The following KHDRBS2 variants were observed in gnomAD, a reference collection of about 807,000 sequenced individuals.
KHDRBS2 encodes the protein KH domain-containing, RNA-binding, signal transduction-associated protein 2.
Under a neutral mutation model 44.3 loss-of-function variants are expected in KHDRBS2, and 26 were observed. The ratio of observed to expected loss-of-function variants is 0.59; its 90% CI spans 0.43 to 0.81. The LOEUF (loss-of-function observed/expected upper bound fraction) is 0.81, where lower values mean the gene tolerates loss of function less well. Ranked by LOEUF, KHDRBS2 falls within the 40% of genes least tolerant of loss-of-function variation. KHDRBS2 has a pLI of 0.00. For synonymous variants in KHDRBS2, 194 were observed against 151.1 expected (o/e 1.28, Z -2.08); for missense variants, 476 against 433.1 (o/e 1.10, Z -0.88).
At chr6:62,197,328 T>C (rs1200116864) in intron 1 of KHDRBS2, among the ~76,000 whole-genome samples, 1 of 152,054 alleles carries the variant, frequency 6.6e-6, no homozygotes, top group African/African-American at 2.4e-5. Context: ...GATCAAACAA[T>C]ATTTGTGAAA....
At chr6:62,164,611 C>T (rs1252705165) in intron 2 of KHDRBS2, among the ~76,000 whole-genome samples, 1 of 151,562 alleles carries the variant, frequency 6.6e-6, no homozygotes, top group Admixed American at 6.6e-5. Context: ...GCATGTATAC[C>T]TTTTATACTC....
intron 1 of KHDRBS2, among the ~76,000 whole-genome samples, chr6:62,234,839 A>G (rs1022025102): frequency 1.3e-5 from 2 of 151,958 alleles, no homozygotes; most frequent in Admixed American, 6.6e-5. Flanking sequence ...TAGATTTGAC[A>G]AAGATTAAAA....
At chr6:61,659,665 A>G in the KHDRBS2 span, among the ~76,000 whole-genome samples, 21 of 151,800 alleles carry the variant, frequency 1.4e-4, no homozygotes, top group African/African-American at 4.6e-4. Flanking sequence ...CACAGTCCTT[A>G]TAAAAATATA....
chr6:62,097,033 G>A (rs750222568), intron 2 of KHDRBS2, among the ~76,000 whole-genome samples: 2 of 150,714 alleles, frequency 1.3e-5, no homozygotes, highest in Non-Finnish European at 3.0e-5. Flanking sequence ...CCATGTATTG[G>A]TATAGTTTCC....
chr6:61,983,379 A>G (rs1430191880), intron 3 of KHDRBS2, among the ~76,000 whole-genome samples: 1 of 151,010 alleles, frequency 6.6e-6, no homozygotes, highest in Non-Finnish European at 1.5e-5. Context: ...CATGGCCATA[A>G]CTAAGACTGA....
chr6:61,788,129 G>C (rs563510744), intron 6 of KHDRBS2, among the ~76,000 whole-genome samples: 1 of 151,514 alleles, frequency 6.6e-6, no homozygotes, highest in South Asian at 2.1e-4. Flanking sequence ...ACAAAATAAT[G>C]GTCTCATATG....
intron 8 of KHDRBS2, among the ~76,000 whole-genome samples, chr6:61,683,797 T>C (rs1036849864): frequency 5.9e-5 from 9 of 151,868 alleles, no homozygotes; most frequent in African/African-American, 1.9e-4. Context: ...TGTGAATTAA[T>C]ACTATGCTCT....
intron 7 of KHDRBS2, among the ~76,000 whole-genome samples, chr6:61,699,094 C>A (rs1356267584): frequency 3.9e-5 from 6 of 152,066 alleles, no homozygotes; most frequent in Admixed American, 1.3e-4. Flanking sequence ...TCATTTATTT[C>A]ATTTATTCAT....
At chr6:61,731,566 T>C (rs966533530) in intron 7 of KHDRBS2, among the ~76,000 whole-genome samples, 1 of 152,112 alleles carries the variant, frequency 6.6e-6, no homozygotes, top group Admixed American at 6.6e-5. Context: ...TGTAGATTTA[T>C]TCTAAACTAT....
At chr6:61,781,759 G>A (rs865812890) in intron 6 of KHDRBS2, among the ~76,000 whole-genome samples, 20 of 152,022 alleles carry the variant, frequency 1.3e-4, no homozygotes, top group African/African-American at 3.9e-4. Flanking sequence ...CTTCCCTCCC[G>A]AAAATTTTGG....
chr6:61,790,559 T>A (rs1015470670), intron 6 of KHDRBS2, among the ~76,000 whole-genome samples: 6 of 151,600 alleles, frequency 4.0e-5, no homozygotes, highest in African/African-American at 1.2e-4. Context: ...CTTACTTTTT[T>A]AATCTGTCCT....
chr6:61,544,428 T>G, the KHDRBS2 span, among the ~76,000 whole-genome samples: 1 of 152,084 alleles, frequency 6.6e-6, no homozygotes, highest in Non-Finnish European at 1.5e-5. Context: ...TTTAAAAATT[T>G]TCAAGAGTTT....
the KHDRBS2 span, among the ~76,000 whole-genome samples, chr6:61,609,442 T>A: frequency 6.6e-6 from 1 of 152,244 alleles, no homozygotes; most frequent in African/African-American, 2.4e-5. Context: ...TTACCATTTT[T>A]ATGTAGCTAT....
At chr6:61,845,846 T>C (rs1401674124) in intron 6 of KHDRBS2, among the ~76,000 whole-genome samples, 2 of 152,180 alleles carry the variant, frequency 1.3e-5, no homozygotes, top group East Asian at 1.9e-4. Context: ...CCAGGTGATA[T>C]TGTTTGGAAA....
chr6:62,175,276 T>C (rs1820861437), intron 2 of KHDRBS2, among the ~76,000 whole-genome samples: 1 of 151,566 alleles, frequency 6.6e-6, no homozygotes, highest in Non-Finnish European at 1.5e-5. Flanking sequence ...GGCAGGCTAT[T>C]CATAAGTTAA....
At chr6:62,220,401 A>C (rs983451553) in intron 1 of KHDRBS2, among the ~76,000 whole-genome samples, 2 of 151,936 alleles carry the variant, frequency 1.3e-5, no homozygotes, top group African/African-American at 4.8e-5. Context: ...AAACAGTAAC[A>C]ATATTTTGGT....
chr6:61,776,118 T>G (rs1484135533), intron 6 of KHDRBS2, among the ~76,000 whole-genome samples: 1 of 152,174 alleles, frequency 6.6e-6, no homozygotes, highest in Non-Finnish European at 1.5e-5. Flanking sequence ...ATCCCTTCCT[T>G]ACACCTTATA....
In KHDRBS2 at chr6:61,710,498, T is replaced by G. The variant is rs1770317785; in HGVS notation, c.894-13245A>C. Among the ~76,000 whole-genome samples, 4 of 151,764 alleles carry G rather than the reference T, an allele frequency of 2.6e-5. No individual in the cohort carries two copies. The South Asian group carries it at 8.3e-4, about 31-fold the overall frequency. ...TTCTATGTTTTAATTCTACCCAGCC[T>G]CTTCCCTGTCACTTCTCTCTTAATA... is the stretch of plus-strand genomic sequence containing the variant. On this transcript the variant is annotated intron_variant, in intron 7 of 8. Coordinates refer to ENST00000281156, the MANE Select transcript of KHDRBS2 (RefSeq NM_152688.4).
intron 8 of KHDRBS2, among the ~76,000 whole-genome samples, chr6:61,688,954 C>T (rs1330584837): frequency 6.6e-6 from 1 of 151,896 alleles, no homozygotes; most frequent in Non-Finnish European, 1.5e-5. Context: ...TGGCAATGGT[C>T]ATGCCGGGAA....
Sources: allele counts gnomAD v4.1 joint callset (sites outside exome capture counted in the v4.1 genomes callset), GRCh38; gene constraint gnomAD v4.1.1; transcripts MANE v1.5; gene names NCBI Gene and HGNC (gene_info 2026-07-23, HGNC 2026-07-21).